Variants in NR2F2 observed in about 807,000 individuals in gnomAD.
NR2F2 encodes the protein nuclear receptor subfamily 2 group F member 2, also known as COUP transcription factor 2.
NR2F2 carries 2 observed loss-of-function variants against 34.8 expected under a neutral mutation model. The ratio of observed to expected loss-of-function variants is 0.06; its 90% CI spans 0.02 to 0.18. NR2F2 has a LOEUF of 0.18. NR2F2 is among the 10% of genes least tolerant of loss of function. The pLI is 1.00. For synonymous variants in NR2F2, 274 were observed against 251.8 expected, an observed-to-expected ratio of 1.09 and a Z score of -0.84; for missense variants, 300 against 580.1, an observed-to-expected ratio of 0.52 and a Z score of 4.96.
At position 96,331,788 on chromosome 15, in the gene NR2F2, C is replaced by A; in HGVS notation, c.-318C>A. 1 of 1,198,850 alleles carries A rather than the reference C, an allele frequency of 8.3e-7. No homozygotes were observed. 74.3% of individuals were successfully genotyped at this position (1,198,850 alleles called of 1,614,324 possible). ...TCTCCACGTTCTGCTCCCACTCGCT[C>A]TCCTGTCCCCTTCCCCTCCCCTCCC... On this transcript the variant is annotated 5_prime_UTR_variant, in exon 1 of 3. Transcript: ENST00000394166.
intron 1 of NR2F2, 70 bp downstream of exon 1, chr15:96,332,617 T>G: frequency 6.4e-7 from 1 of 1,568,218 alleles, no homozygotes; most frequent in Non-Finnish European, 8.7e-7. Context: ...GCTAGCCTGC[T>G]CTGGGTAAGG....
In NR2F2 at chr15:96,332,429, G is replaced by A; in HGVS notation, c.324G>A (p.Arg108=). The A allele has an allele frequency of 1.2e-6, 2 of 1,614,236 alleles. No homozygotes were observed. The highest frequency in any genetic ancestry group is 1.7e-6 in the Non-Finnish European group (2 of 1,180,050). Residue 108 remains arginine, a synonymous_variant, in exon 1 of 3, where the codon CGG becomes CGA. Coordinates refer to ENST00000394166, the MANE Select transcript of NR2F2 (RefSeq NM_021005.4). The part of the protein sequence containing the change: ...GCKSFFKRSV[R]RNLSYTCRAN... ...AGAGCTTCTTCAAGCGCAGCGTGCG[G>A]AGGAACCTGAGCTACACGTGCCGCG...
In NR2F2 at chr15:96,331,106, A is replaced by AGCG. The variant is rs1382933164; in HGVS notation, c.-987_-985dup. The AGCG allele has an allele frequency of 2.7e-5, 32 of 1,203,180 alleles. No homozygotes were observed. The East Asian group carries it at 5.6e-4, about 21-fold the overall frequency. 74.5% of individuals were successfully genotyped at this position (1,203,180 alleles called of 1,614,324 possible). A position where few individuals can be genotyped will look rare whatever the true frequency, so the allele number is the denominator to read the frequency against. On this transcript the variant is annotated 5_prime_UTR_variant, in exon 1 of 3. Transcript: ENST00000394166. Reference sequence around the variant, plus strand: ...CGGCAGCAGCGGCAGCAGCGACTTCAGCGGCGGCGGCGGCGCTAGACGCAG... The same window carrying AGCG: ...CGGCAGCAGCGGCAGCAGCGACTTCAGCGGCGGCGGCGGCGGCGCTAGACGCAG...
At chr15:96,332,996 A>T (rs889809263) in intron 1 of NR2F2, among the ~76,000 whole-genome samples, 1 of 148,234 alleles carries the variant, frequency 6.7e-6, no homozygotes, top group Non-Finnish European at 1.5e-5. Context: ...GGTTCAAATT[A>T]CAAATGGCAA....
At chr15:96,334,832 A>G (rs968680064) in intron 2 of NR2F2, among the ~76,000 whole-genome samples, 2 of 152,208 alleles carry the variant, frequency 1.3e-5, no homozygotes, top group African/African-American at 4.8e-5. Flanking sequence ...GATTCCCCAC[A>G]TGGGCCATAG....
intron 2 of NR2F2, among the ~76,000 whole-genome samples, chr15:96,336,756 T>G (rs936446259): frequency 2.6e-4 from 39 of 152,152 alleles, no homozygotes; most frequent in Admixed American, 2.6e-3. Flanking sequence ...TTTGCATGGC[T>G]GCCCTTCAAT....
rs1011053780 is a variant in NR2F2 at position 96,332,631 on chromosome 15, A to G, written c.442+84A>G. 8 of 1,535,494 alleles carry G rather than the reference A, an allele frequency of 5.2e-6. No homozygotes were observed. In the Admixed American group the frequency reaches 1.2e-4, roughly 22 times the overall value. On this transcript the variant is annotated intron_variant, in intron 1 of 2. Transcript: ENST00000394166. Reference sequence around the variant, plus strand: ...GGCTAGCCTGCTCTGGGTAAGGACAAGAAGCCCCAAGCTCTTCTCTTCGTA... The same window carrying G: ...GGCTAGCCTGCTCTGGGTAAGGACAGGAAGCCCCAAGCTCTTCTCTTCGTA...
At chr15:96,336,896 G>A (rs547204481) in intron 2 of NR2F2, among the ~76,000 whole-genome samples, 159 of 152,236 alleles carry the variant, frequency 1.0e-3, no homozygotes, top group Middle Eastern at 3.4e-3. Flanking sequence ...GACTGGGCCA[G>A]GTTGTCCACC....
chr15:96,332,310 G>T lies in NR2F2; in HGVS notation c.205G>T (p.Asp69Tyr). Reference sequence around the variant, plus strand: ...GGGCGGCCCTGGCGGCCCGGGTAGCGACAAGCAGCAGCAGCAGCAACACAT... The same window carrying T: ...GGGCGGCCCTGGCGGCCCGGGTAGCTACAAGCAGCAGCAGCAGCAACACAT... ...GQGGPGGPGS[D>Y]KQQQQQHIEC... is the part of the protein sequence containing the mutation. Residue 69 changes from aspartate (D) to tyrosine (Y), a missense_variant, in exon 1 of 3, where the codon GAC becomes TAC. Around this residue, in one of 6 missense-constraint regions of NR2F2, gnomAD observed 105 missense variants for 107.8 expected, o/e 0.97. Transcript: ENST00000394166. 1 of 1,586,014 alleles carries T rather than the reference G, an allele frequency of 6.3e-7. No homozygotes were observed. The highest frequency in any genetic ancestry group is 8.6e-7 in the Non-Finnish European group (1 of 1,166,672).
At position 96,330,752 on chromosome 15, in the gene NR2F2, C is replaced by T. The variant is rs139663181; in HGVS notation, c.-1354C>T. The T allele has an allele frequency of 4.4e-3, 3,129 of 712,060 alleles. 10 individuals carry two copies. Among genetic ancestry groups the T allele is most frequent in the Non-Finnish European group, 5.1e-3 (2,873 of 561,720 alleles). 44.1% of individuals were successfully genotyped at this position (712,060 alleles called of 1,614,324 possible). A position where few individuals can be genotyped will look rare whatever the true frequency, so the allele number is the denominator to read the frequency against. ...CCTATAAATCGCATTCCCTCCCGCG[C>T]CCCCCTTTTTAGCATATTTGATCAC... On this transcript the variant is annotated 5_prime_UTR_variant, in exon 1 of 3. Coordinates refer to ENST00000394166, the MANE Select transcript of NR2F2 (RefSeq NM_021005.4).
At position 96,337,764 on chromosome 15, in the gene NR2F2, A is replaced by C; in HGVS notation, c.*142A>C. ...AGAAGAGAGGGGAAGAATTTAATGG[A>C]CTGTGAATTTCAAAAAAAAAAAAAA... On this transcript the variant is annotated 3_prime_UTR_variant, in exon 3 of 3. Transcript: ENST00000394166. The C allele has an allele frequency of 1.9e-6, 1 of 517,772 alleles. No individual in the cohort carries two copies. The highest frequency in any genetic ancestry group is 2.8e-6 in the Non-Finnish European group (1 of 351,052). The allele number at this position is 517,772 out of a possible 1,614,324, so 32.1% of individuals were successfully genotyped here. A position where few individuals can be genotyped will look rare whatever the true frequency, so the allele number is the denominator to read the frequency against.
rs1011228947 is a variant in NR2F2 at position 96,339,243 on chromosome 15, G to A, written c.*1621G>A. 6.6e-6 allele frequency: 1 copy of A among 152,194 alleles called. No individual in the cohort carries two copies. Among genetic ancestry groups the A allele is most frequent in the Non-Finnish European group, 1.5e-5 (1 of 68,042 alleles). 9.4% of individuals were successfully genotyped at this position (152,194 alleles called of 1,614,324 possible). A position where few individuals can be genotyped will look rare whatever the true frequency, so the allele number is the denominator to read the frequency against. ...GTACATTTCTGACAGTTACTCAGAA[G>A]ATCGTTCAAGCAAGCTAATCACAGC... On this transcript the variant is annotated 3_prime_UTR_variant, in exon 3 of 3. Coordinates refer to ENST00000394166, the MANE Select transcript of NR2F2 (RefSeq NM_021005.4).
rs1256047626 is a variant in NR2F2, at chr15:96,338,675, T to G, written c.*1053T>G. 6.6e-6 allele frequency: 1 copy of G among 152,502 alleles called. No homozygotes were observed. The highest frequency in any genetic ancestry group is 2.4e-5 in the African/African-American group (1 of 41,388). 9.4% of individuals were successfully genotyped at this position (152,502 alleles called of 1,614,324 possible). On this transcript the variant is annotated 3_prime_UTR_variant, in exon 3 of 3. Coordinates refer to ENST00000394166, the MANE Select transcript of NR2F2 (RefSeq NM_021005.4). ...TTTACAGTTTGTGTTTTAAAAAAACTGAAGGTTTTTTTTTTAAGTGCAACA... is the reference window on the plus strand; with the variant it reads ...TTTACAGTTTGTGTTTTAAAAAAACGGAAGGTTTTTTTTTTAAGTGCAACA...
At chr15:96,333,720 A>G (rs1007514248) in intron 1 of NR2F2, 2 of 1,218,602 alleles carry the variant, frequency 1.6e-6, no homozygotes, top group Non-Finnish European at 2.1e-6. Context: ...CCTCCAATCA[A>G]TAAGAAATAT....
upstream of NR2F2, among the ~76,000 whole-genome samples, chr15:96,329,762 A>G (rs1378971917): frequency 6.6e-6 from 1 of 152,116 alleles, no homozygotes; most frequent in Admixed American, 6.5e-5. Flanking sequence ...GTGTGGCAGG[A>G]TGTTGGCTGG....
chr15:96,328,846 G>A (rs1332839200), upstream of NR2F2, among the ~76,000 whole-genome samples: 1 of 151,324 alleles, frequency 6.6e-6, no homozygotes, highest in Non-Finnish European at 1.5e-5. Flanking sequence ...CGGAGAAAGA[G>A]TGAGGGCTGA....
chr15:96,331,670 G>A lies in NR2F2; in HGVS notation c.-436G>A. ...CGAGAGAGGGAGGGAGAGAGTGAGA[G>A]CGAGCGAGATCTTTGGAGAGATTTT... On this transcript the variant is annotated 5_prime_UTR_variant, in exon 1 of 3. Transcript: ENST00000394166. 8.9e-7 allele frequency: 1 copy of A among 1,120,524 alleles called. No homozygotes were observed. The highest frequency in any genetic ancestry group is 1.1e-6 in the Non-Finnish European group (1 of 890,074). The allele number at this position is 1,120,524 out of a possible 1,614,324, so 69.4% of individuals were successfully genotyped here. A position where few individuals can be genotyped will look rare whatever the true frequency, so the allele number is the denominator to read the frequency against.
Position 96,331,307 on chromosome 15 carries a change from C to T in NR2F2, c.-799C>T, listed in dbSNP as rs1899133748. The T allele has an allele frequency of 8.8e-7, 1 of 1,135,082 alleles. No homozygotes were observed. The highest frequency in any genetic ancestry group is 1.1e-6 in the Non-Finnish European group (1 of 926,808). The allele number at this position is 1,135,082 out of a possible 1,614,324, so 70.3% of individuals were successfully genotyped here. ...GGCGGCGGCGGCGGCGGCCCAGCGC[C>T]AGGACGACGCCGCGCAGCGCCCGAC... On this transcript the variant is annotated 5_prime_UTR_variant, in exon 1 of 3. Coordinates refer to ENST00000394166, the MANE Select transcript of NR2F2 (RefSeq NM_021005.4).
chr15:96,331,920 A>G lies in NR2F2; in HGVS notation c.-186A>G. On this transcript the variant is annotated 5_prime_UTR_variant, in exon 1 of 3. Transcript: ENST00000394166. ...CAAAACTTTGCAAAAGCAAAAACAAAAAAGGAAAAACTAACCAACCTCAAC... is the reference window on the plus strand; with the variant it reads ...CAAAACTTTGCAAAAGCAAAAACAAGAAAGGAAAAACTAACCAACCTCAAC... 1.7e-6 allele frequency: 2 copies of G among 1,207,660 alleles called. No individual in the cohort carries two copies. Among genetic ancestry groups the G allele is most frequent in the Non-Finnish European group, 2.1e-6 (2 of 973,038 alleles). 74.8% of individuals were successfully genotyped at this position (1,207,660 alleles called of 1,614,324 possible).
Sources: gnomAD v4.1 joint callset for allele counts (sites outside exome capture counted in the v4.1 genomes callset) on GRCh38, gnomAD v4.1.1 for gene constraint, gnomAD v4.1.1 regional missense constraint, MANE v1.5 for transcripts, NCBI Gene and HGNC (gene_info 2026-07-23, HGNC 2026-07-21) for gene names.